The following ZMYM6 variants were observed in gnomAD, a reference collection of about 807,000 sequenced individuals.
ZMYM6 encodes the protein zinc finger MYM-type protein 6.
A neutral mutation model predicts 134.0 loss-of-function variants in ZMYM6; 90 were observed. The ratio of observed to expected loss-of-function variants is 0.67; its 90% CI spans 0.57 to 0.80. The LOEUF is 0.80. Ranked by LOEUF, ZMYM6 falls within the 30% of genes least tolerant of loss-of-function variation. ZMYM6 has a pLI of 0.00. For missense variants in ZMYM6, 1,362 were observed against 1,533.9 expected, an observed-to-expected ratio of 0.89 and a Z score of 1.87; for synonymous variants, 481 against 524.1, an observed-to-expected ratio of 0.92 and a Z score of 1.12.
At chr1:34,995,084 C>CGTATATATGTATGTATATACGTAA (rs776836371) in intron 14 of ZMYM6, among the ~76,000 whole-genome samples, 2 of 125,118 alleles carry the variant, frequency 1.6e-5, no homozygotes, top group Non-Finnish European at 3.1e-5. Context: ...TACTTACATA[C>CGTATATATGTATGTATATACGTAA]GTATATATGT....
Position 34,987,510 on chromosome 1 carries a change from A to G in ZMYM6, c.3572T>C (p.Leu1191Pro). 6.2e-7 allele frequency: 1 copy of G among 1,613,086 alleles called. No homozygotes were observed. Among genetic ancestry groups the G allele is most frequent in the Non-Finnish European group, 8.5e-7 (1 of 1,179,516 alleles). The change falls in exon 16 of 16, where the codon CTG becomes CCG. Residue 1191 changes from leucine (L) to proline (P), a missense_variant. Coordinates refer to ENST00000357182, the MANE Select transcript of ZMYM6 (RefSeq NM_007167.4). ...TDITRIIFEH[L>P]EGLSQVFSDC... The stretch of plus-strand genomic sequence containing the variant: ...ACTGAACACTTGAGAAAGTCCTTCC[A>G]GGTGCTCAAAAATAATCCTTGTGAT...
chr1:35,014,897 T>A lies in ZMYM6; in HGVS notation c.604-9A>T. ...TTAACTTCAAATCGAGTCTAGGAAA[T>A]AAACACACACATACACACACAAAAT... On this transcript the variant is annotated splice_polypyrimidine_tract_variant and intron_variant, in intron 5 of 15. Transcript: ENST00000357182. The A allele has an allele frequency of 6.2e-7, 1 of 1,613,638 alleles. No individual in the cohort carries two copies.
chr1:35,003,932 G>A (rs769846352), intron 14 of ZMYM6, 36 bp downstream of exon 14: 1 of 1,586,796 alleles, frequency 6.3e-7, no homozygotes, highest in Non-Finnish European at 8.6e-7. Context: ...AAGCCCAAGT[G>A]GCATTATCAA....
In ZMYM6 at chr1:35,015,211, T is replaced by A. The variant is rs538661656; in HGVS notation, c.429-49A>T. ...AAATGAAATGTATTCTTCACAACTG[T>A]AACTTCCTCCTCTTTGTGAGGTGAA... is the stretch of plus-strand genomic sequence containing the variant. On this transcript the variant is annotated intron_variant, in intron 4 of 15. Transcript: ENST00000357182. 4.3e-5 allele frequency: 64 copies of A among 1,481,856 alleles called. No homozygotes were observed. In the South Asian group the frequency reaches 8.1e-4, roughly 19 times the overall value. The allele number at this position is 1,481,856 out of a possible 1,614,324, so 91.8% of individuals were successfully genotyped here. A position where few individuals can be genotyped will look rare whatever the true frequency, so the allele number is the denominator to read the frequency against.
chr1:34,997,640 T>C lies in ZMYM6; in HGVS notation c.1993-5253A>G, dbSNP rs186815263. 3.7e-4 allele frequency among the ~76,000 whole-genome samples: 56 copies of C among 152,276 alleles called. 1 individual carries two copies. The highest frequency in any genetic ancestry group is 5.1e-4 in the Non-Finnish European group (35 of 68,022). On this transcript the variant is annotated intron_variant, in intron 14 of 15. Transcript: ENST00000357182. ...CTTTACATATTAAAAAACACTAGAT[T>C]TTTGTAACATGAGTTGTATGTAACC...
At chr1:34,998,077 A>C (rs188830787) in intron 14 of ZMYM6, among the ~76,000 whole-genome samples, 1 of 152,200 alleles carries the variant, frequency 6.6e-6, no homozygotes, top group East Asian at 1.9e-4. Flanking sequence ...TCAGGAGTTC[A>C]AGACCAACCT....
chr1:35,028,588 C>T (rs2148463664), intron 2 of ZMYM6, among the ~76,000 whole-genome samples: 1 of 151,640 alleles, frequency 6.6e-6, no homozygotes, highest in South Asian at 2.1e-4. Context: ...CAAGCTCCGC[C>T]TCCTGGGTTC....
intron 12 of ZMYM6, among the ~76,000 whole-genome samples, chr1:35,006,167 T>C (rs1640962662): frequency 1.3e-5 from 2 of 152,138 alleles, no homozygotes; most frequent in African/African-American, 4.8e-5. Context: ...ACCACCACAC[T>C]TGGCTAATTT....
intron 11 of ZMYM6, 144 bp downstream of exon 11, chr1:35,008,608 A>C (rs1034888416): frequency 1.4e-6 from 1 of 724,028 alleles, no homozygotes; most frequent in East Asian, 3.0e-5. Context: ...GTTTATATTC[A>C]ATTGAATTTT....
chr1:35,014,967 T>C (rs368659065), intron 5 of ZMYM6, 21 bp downstream of exon 5: 1 of 1,610,156 alleles, frequency 6.2e-7, no homozygotes, highest in African/African-American at 1.3e-5. Flanking sequence ...AGAATCCCAA[T>C]AAAAGTAAAA....
intron 2 of ZMYM6, 104 bp downstream of exon 2, chr1:35,030,443 A>G: frequency 9.1e-7 from 1 of 1,095,274 alleles, no homozygotes; most frequent in Non-Finnish European, 1.3e-6. Flanking sequence ...AGTTTGGGTT[A>G]TTTTAAACTT....
Position 34,987,253 on chromosome 1 carries a change from G to T in ZMYM6, c.3829C>A (p.Pro1277Thr), listed in dbSNP as rs751925736. 1.2e-6 allele frequency: 2 copies of T among 1,613,254 alleles called. No individual in the cohort carries two copies. Among genetic ancestry groups the T allele is most frequent in the Non-Finnish European group, 8.5e-7 (1 of 1,179,786 alleles). The part of the protein sequence containing the change: ...LHERAMKFLL[P>T]FSTVYLCDAA... ...TCACATAAATAAACAGTTGAAAAGG[G>T]TAATAAAAATTTCATTGCCCTTTCA... is the stretch of plus-strand genomic sequence containing the variant. The change falls in exon 16 of 16, where the codon CCC becomes ACC. Residue 1277 changes from proline to threonine, a missense_variant. By Grantham distance (38) the Pro-to-Thr change is conservative. Transcript: ENST00000357182.
rs1640613763 is a variant in ZMYM6 at position 34,988,636 on chromosome 1, T to C, written c.2446A>G (p.Ser816Gly). Residue 816 changes from serine to glycine, a missense_variant, in exon 16 of 16, where the codon AGT becomes GGT. Transcript: ENST00000357182. ...QKSLEMECQN[S>G]SLKKCLLVEK... ...ACTAGTAAACACTTTTTTAAAGAAC[T>C]ATTTTGACATTCCATTTCTAAAGAT... 6.5e-7 allele frequency: 1 copy of C among 1,547,800 alleles called. No individual in the cohort carries two copies. The highest frequency in any genetic ancestry group is 8.7e-7 in the Non-Finnish European group (1 of 1,145,858).
chr1:35,015,597 G>A (rs1007446652), intron 4 of ZMYM6, among the ~76,000 whole-genome samples: 2 of 150,892 alleles, frequency 1.3e-5, no homozygotes, highest in Non-Finnish European at 3.0e-5. Context: ...GGTGGTGGGC[G>A]CCTGTAATCC....
At chr1:35,014,112 T>G (rs181483077) in intron 6 of ZMYM6, among the ~76,000 whole-genome samples, 3 of 152,228 alleles carry the variant, frequency 2.0e-5, no homozygotes, top group Non-Finnish European at 4.4e-5. Flanking sequence ...ATAAAATTAC[T>G]TGAAGTATTC....
Position 35,019,566 on chromosome 1 carries a change from G to A in ZMYM6, c.215C>T (p.Ala72Val), listed in dbSNP as rs200506387. 9.0e-5 allele frequency: 144 copies of A among 1,601,988 alleles called. No homozygotes were observed. Among genetic ancestry groups the A allele is most frequent in the Non-Finnish European group, 1.1e-4 (132 of 1,177,206 alleles). ...AAGCAACACACTTGGGCCAGATGAT[G>A]CAAAAGAAAGCTGAAAGCCTGGGTT... is the stretch of plus-strand genomic sequence containing the variant. ...QLNPGFQLSF[A>V]SSGPSVLLPS... is the part of the protein sequence containing the mutation. The change falls in exon 4 of 16, where the codon GCA becomes GTA. Residue 72 changes from alanine (A) to valine (V), a missense_variant. Ala to Val is a moderately conservative substitution (Grantham distance 64). This residue lies in a region of ZMYM6 where 503 missense variants were observed against 520.8 expected (regional missense o/e 0.97). Transcript: ENST00000357182.
chr1:35,030,940 C>G (rs896363393), intron 1 of ZMYM6, among the ~76,000 whole-genome samples: 2 of 152,210 alleles, frequency 1.3e-5, no homozygotes, highest in Non-Finnish European at 1.5e-5. Flanking sequence ...TAAAGACACA[C>G]AACACACTCT....
At chr1:35,009,158 G>A (rs1641039309) in intron 10 of ZMYM6, among the ~76,000 whole-genome samples, 1 of 152,138 alleles carries the variant, frequency 6.6e-6, no homozygotes, top group African/African-American at 2.4e-5. Flanking sequence ...GAGTGCAGTG[G>A]CACAATCTCA....
intron 14 of ZMYM6, among the ~76,000 whole-genome samples, chr1:34,998,620 G>T (rs1640828745): frequency 1.3e-5 from 2 of 151,908 alleles, no homozygotes; most frequent in South Asian, 4.1e-4. Flanking sequence ...GGTAATGGAG[G>T]TGGTAAGAAG....
Sources: allele counts gnomAD v4.1 joint callset (sites outside exome capture counted in the v4.1 genomes callset), GRCh38; gene constraint gnomAD v4.1.1; regional missense constraint gnomAD v4.1.1; transcripts MANE v1.5; gene names NCBI Gene and HGNC (gene_info 2026-07-23, HGNC 2026-07-21).